The following GRIN2D variants were observed in gnomAD, a reference collection of about 807,000 sequenced individuals.
The protein encoded by GRIN2D is glutamate receptor ionotropic, NMDA 2D.
Under a neutral mutation model 103.2 loss-of-function variants are expected in GRIN2D, and 37 were observed. That is an observed-to-expected ratio of 0.36 (90% CI 0.28 to 0.47). The LOEUF is 0.47. Among genes scored for constraint, GRIN2D ranks in the 20% least tolerant of loss-of-function variants. GRIN2D has a pLI of 1.00. For missense variants in GRIN2D, 1,557 were observed against 1,910.6 expected (o/e 0.81, Z 3.45); for synonymous variants, 845 against 885.6 (o/e 0.95, Z 0.81).
At chr19:48,436,111 G>T (rs895244855) in intron 11 of GRIN2D, among the ~76,000 whole-genome samples, 23 of 152,180 alleles carry the variant, frequency 1.5e-4, no homozygotes, top group Non-Finnish European at 1.5e-5. Flanking sequence ...AAGACGGGGG[G>T]TCTGCAATGG....
intron 11 of GRIN2D, among the ~76,000 whole-genome samples, chr19:48,437,649 C>G (rs1425813887): frequency 6.6e-6 from 1 of 152,124 alleles, no homozygotes; most frequent in Non-Finnish European, 1.5e-5. Context: ...TCTGAGGACC[C>G]CTGGAGACAC....
At chr19:48,395,672 C>T (rs968270654) in intron 2 of GRIN2D, among the ~76,000 whole-genome samples, 9 of 151,952 alleles carry the variant, frequency 5.9e-5, no homozygotes, top group South Asian at 2.1e-4. Flanking sequence ...TCCTCCTCCC[C>T]GCTTGGGGAC....
intron 3 of GRIN2D, among the ~76,000 whole-genome samples, chr19:48,402,694 G>A (rs1201314680): frequency 4.3e-5 from 6 of 138,584 alleles, no homozygotes; most frequent in East Asian, 2.2e-4. Context: ...TCCGCAGTCC[G>A]GCCTGGGCGA....
chr19:48,406,663 A>AG (rs1569060996), intron 4 of GRIN2D, among the ~76,000 whole-genome samples: 1 of 152,212 alleles, frequency 6.6e-6, no homozygotes, highest in African/African-American at 2.4e-5. Flanking sequence ...AAGACCATGA[A>AG]CTTATTCTTC....
intron 11 of GRIN2D, among the ~76,000 whole-genome samples, chr19:48,427,354 A>G (rs1971098549): frequency 7.7e-6 from 1 of 129,258 alleles, no homozygotes; most frequent in Admixed American, 8.5e-5. Flanking sequence ...AACAACAACA[A>G]AAATCCAAAG....
intron 11 of GRIN2D, among the ~76,000 whole-genome samples, chr19:48,425,503 A>G (rs1326781084): frequency 1.3e-5 from 2 of 152,174 alleles, no homozygotes; most frequent in African/African-American, 4.8e-5. Flanking sequence ...CGGCCTCCCA[A>G]AGTGCTGGGA....
intron 8 of GRIN2D, among the ~76,000 whole-genome samples, chr19:48,417,114 T>C (rs1324574275): frequency 6.6e-6 from 1 of 152,050 alleles, no homozygotes; most frequent in Non-Finnish European, 1.5e-5. Flanking sequence ...TATCCAGCTC[T>C]GTGTAATCCC....
At position 48,443,171 on chromosome 19, in the gene GRIN2D, CG is replaced by C; in HGVS notation, c.3251del (p.Gly1084AlafsTer434). ...CCAGGCGCGGGCGGCGCGGGGGGCA[CG>C]GGGGGCGCAGGCGGAGGAGCCCCGG... is the stretch of plus-strand genomic sequence containing the variant. ...LGPGAGGAGG[T>X]GGAGGGAPAA... is the part of the protein sequence containing the mutation. On this transcript the variant is annotated frameshift_variant, in exon 14 of 14. Transcript: ENST00000263269. LOFTEE classifies it high-confidence loss of function. This position sits in a 1 kb window ranked among gnomAD's most constrained non-coding sequence, Gnocchi z 8.9. The C allele has an allele frequency of 9.6e-7, 1 of 1,039,030 alleles. No homozygotes were observed. The allele number at this position is 1,039,030 out of a possible 1,614,324, so 64.4% of individuals were successfully genotyped here. A position where few individuals can be genotyped will look rare whatever the true frequency, so the allele number is the denominator to read the frequency against.
intron 8 of GRIN2D, among the ~76,000 whole-genome samples, chr19:48,418,285 G>A (rs1477517145): frequency 6.6e-6 from 1 of 151,960 alleles, no homozygotes; most frequent in African/African-American, 2.4e-5. Flanking sequence ...CTCCCACCTC[G>A]GCCTCCCAAA....
intron 3 of GRIN2D, among the ~76,000 whole-genome samples, chr19:48,402,968 G>A (rs1970737024): frequency 6.6e-6 from 1 of 152,008 alleles, no homozygotes; most frequent in African/African-American, 2.4e-5. Flanking sequence ...GGAAGCCGAG[G>A]CAGGCAGATC....
At chr19:48,395,099 ACCCTCTCTCTCT>A (rs1970621940) in intron 2 of GRIN2D, among the ~76,000 whole-genome samples, 163 bp downstream of exon 2, 1 of 144,080 alleles carries the variant, frequency 6.9e-6, no homozygotes, top group African/African-American at 2.6e-5. Flanking sequence ...ACTCTCCTCC[ACCCTCTCTCTCT>A]CCCTCTCTGA....
At position 48,398,518 on chromosome 19, in the gene GRIN2D, C is replaced by T; in HGVS notation, c.126C>T (p.Gly42=). Residue 42 remains glycine, a synonymous_variant, in exon 3 of 14, where the codon GGC becomes GGT. Transcript: ENST00000263269. ...GGCCGGGCGGGGCCGGTGGGCCCGG[C>T]GGCGGCCTCGGCGGGGCGCGGCCGC... The part of the protein sequence containing the change: ...APGPGGAGGP[G]GGLGGARPLN... 9.8e-7 allele frequency: 1 copy of T among 1,018,432 alleles called. No homozygotes were observed. The highest frequency in any genetic ancestry group is 1.2e-6 in the Non-Finnish European group (1 of 853,552). The allele number at this position is 1,018,432 out of a possible 1,614,324, so 63.1% of individuals were successfully genotyped here.
chr19:48,442,876 C>T lies in GRIN2D; in HGVS notation c.2950C>T (p.Pro984Ser). The change falls in exon 14 of 14, where the codon CCG becomes TCG. Residue 984 changes from proline (P) to serine (S), a missense_variant. By Grantham distance (74) the Pro-to-Ser change is moderately conservative. Around this residue, in one of 7 missense-constraint regions of GRIN2D, gnomAD observed 632 missense variants for 572.8 expected, o/e 1.10. Transcript: ENST00000263269. The surrounding 1 kb of genome is among the most constrained non-coding windows in gnomAD (Gnocchi z 7.2). Reference protein sequence around the residue: ...GLGLGEARAAPRGAAGRPLSP... With the variant: ...GLGLGEARAASRGAAGRPLSP... ...CGGCCTGGGCGAAGCGCGCGCGGCA[C>T]CGCGGGGCGCAGCCGGGCGCCCGCT... is the stretch of plus-strand genomic sequence containing the variant. 9.2e-7 allele frequency: 1 copy of T among 1,090,246 alleles called. No homozygotes were observed. Among genetic ancestry groups the T allele is most frequent in the South Asian group, 3.8e-5 (1 of 26,314 alleles). The allele number at this position is 1,090,246 out of a possible 1,614,324, so 67.5% of individuals were successfully genotyped here. A position where few individuals can be genotyped will look rare whatever the true frequency, so the allele number is the denominator to read the frequency against.
At chr19:48,424,280 T>C (rs1971059802) in intron 11 of GRIN2D, among the ~76,000 whole-genome samples, 1 of 144,538 alleles carries the variant, frequency 6.9e-6, no homozygotes, top group South Asian at 2.2e-4. Flanking sequence ...TTTTTTTTTT[T>C]TTTTTTTTGA....
At chr19:48,398,040 CCTCT>C (rs1970663397) in intron 2 of GRIN2D, among the ~76,000 whole-genome samples, 1 of 151,548 alleles carries the variant, frequency 6.6e-6, no homozygotes, top group Admixed American at 6.6e-5. Flanking sequence ...TCTGTCTCTC[CCTCT>C]GTCTCTGCCT....
At chr19:48,401,256 A>AGG (rs879634908) in intron 3 of GRIN2D, among the ~76,000 whole-genome samples, 1 of 150,976 alleles carries the variant, frequency 6.6e-6, no homozygotes, top group Non-Finnish European at 1.5e-5. Flanking sequence ...ACAGTTCTAG[A>AGG]GGGGGGGGGA....
Position 48,438,594 on chromosome 19 carries a change from G to A in GRIN2D, c.2253-3175G>A, listed in dbSNP as rs11879138. Among the ~76,000 whole-genome samples, 520 of 151,588 alleles carry A rather than the reference G, an allele frequency of 3.4e-3. 3 individuals are homozygous for A. Among genetic ancestry groups the A allele is most frequent in the Middle Eastern group, 0.01 (3 of 292 alleles). On this transcript the variant is annotated intron_variant, in intron 11 of 13. Transcript: ENST00000263269. ...ATTACAGGCATTAGCCACCGTGCCC[G>A]GCCTAATTTTTGTATTTTTAATAGA...
chr19:48,437,901 A>G (rs1842432278), intron 11 of GRIN2D, among the ~76,000 whole-genome samples: 1 of 152,148 alleles, frequency 6.6e-6, no homozygotes, highest in South Asian at 2.1e-4. Context: ...GTTAGGATCT[A>G]TATAAAATTA....
Position 48,405,128 on chromosome 19 carries a change from C to A in GRIN2D, c.860C>A (p.Ala287Asp). 1 of 1,575,720 alleles carries A rather than the reference C, an allele frequency of 6.3e-7. No homozygotes were observed. The highest frequency in any genetic ancestry group is 8.6e-7 in the Non-Finnish European group (1 of 1,161,844). ...PQLAGGGGSG[A>D]PGEPPLLPGG... The stretch of plus-strand genomic sequence containing the variant: ...CTGGCTGGAGGCGGGGGCTCTGGGG[C>A]CCCTGGTGAGCCCCCTCTTCTGCCA... The change falls in exon 4 of 14, where the codon GCC (alanine) becomes GAC (aspartate). Residue 287 changes from alanine (A) to aspartate (D), a missense_variant. Around this residue, in one of 7 missense-constraint regions of GRIN2D, gnomAD observed 490 missense variants for 601.1 expected, o/e 0.82. Transcript: ENST00000263269. The surrounding 1 kb of genome is among the most constrained non-coding windows in gnomAD (Gnocchi z 5.1).
Sources: allele counts gnomAD v4.1 joint callset (sites outside exome capture counted in the v4.1 genomes callset), GRCh38; gene constraint gnomAD v4.1.1; regional missense constraint gnomAD v4.1.1; non-coding constraint Gnocchi (gnomAD v3.1); transcripts MANE v1.5; gene names NCBI Gene and HGNC (gene_info 2026-07-23, HGNC 2026-07-21).